MICU3: variants seen among roughly 807,000 people sequenced by gnomAD.
The protein encoded by MICU3 is mitochondrial calcium uptake 3.
A neutral mutation model predicts 66.5 loss-of-function variants in MICU3; 62 were observed. That is an observed-to-expected ratio of 0.93 (90% CI 0.76 to 1.15). The LOEUF (loss-of-function observed/expected upper bound fraction) is 1.15, where lower values mean the gene tolerates loss of function less well. Among genes scored for constraint, MICU3 ranks in the 50% most tolerant of loss-of-function variants. The probability of loss-of-function intolerance (pLI) is 0.00; values close to 1 mark genes in which losing one functional copy is unlikely to be tolerated. For missense variants in MICU3, 779 were observed against 664.4 expected, an observed-to-expected ratio of 1.17 and a Z score of -1.90; for synonymous variants, 308 against 240.7, an observed-to-expected ratio of 1.28 and a Z score of -2.59.
intron 11 of MICU3, among the ~76,000 whole-genome samples, chr8:17,113,688 G>A (rs1802412638): frequency 6.6e-6 from 1 of 152,128 alleles, no homozygotes; most frequent in African/African-American, 2.4e-5. Context: ...AGGAATACAT[G>A]TGCAGGGGAA....
At chr8:17,065,233 T>C (rs1299313625) in intron 2 of MICU3, among the ~76,000 whole-genome samples, 1 of 152,134 alleles carries the variant, frequency 6.6e-6, no homozygotes, top group Non-Finnish European at 1.5e-5. Flanking sequence ...TATAGCCATT[T>C]TTTCCTCCAG....
intron 11 of MICU3, 52 bp from the exon 12 acceptor site, chr8:17,114,041 T>C: frequency 9.4e-7 from 1 of 1,064,188 alleles, no homozygotes; most frequent in Non-Finnish European, 1.3e-6. Flanking sequence ...AGATCCTGAT[T>C]TTAATAAATT....
intron 1 of MICU3, among the ~76,000 whole-genome samples, chr8:17,058,863 C>T (rs1447020528): frequency 6.6e-6 from 1 of 152,194 alleles, no homozygotes; most frequent in Admixed American, 6.5e-5. Context: ...TGTTGATAAA[C>T]TCCAGAGAAA....
intron 5 of MICU3, among the ~76,000 whole-genome samples, chr8:17,084,746 C>G (rs1158848424): frequency 6.6e-6 from 1 of 152,034 alleles, no homozygotes; most frequent in Non-Finnish European, 1.5e-5. Flanking sequence ...CATATTCAGT[C>G]TTCTTTTGTT....
At chr8:17,098,698 CTG>C (rs1458217902) in intron 9 of MICU3, 145 bp downstream of exon 9, 1 of 591,490 alleles carries the variant, frequency 1.7e-6, no homozygotes, top group Non-Finnish European at 3.0e-6. Context: ...TATATATAAA[CTG>C]TGTATTTGAA....
chr8:17,074,324 C>T (rs1288550583), intron 3 of MICU3, among the ~76,000 whole-genome samples: 2 of 151,710 alleles, frequency 1.3e-5, no homozygotes, highest in African/African-American at 4.8e-5. Flanking sequence ...AGATATAACC[C>T]ATATAGACAA....
At chr8:17,081,441 T>C (rs1458743674) in intron 4 of MICU3, among the ~76,000 whole-genome samples, 2 of 152,138 alleles carry the variant, frequency 1.3e-5, no homozygotes, top group Non-Finnish European at 2.9e-5. Context: ...CTGCTATACG[T>C]ATGCATTATA....
intron 3 of MICU3, among the ~76,000 whole-genome samples, chr8:17,070,392 C>T (rs1819372140): frequency 6.6e-6 from 1 of 151,836 alleles, no homozygotes. Context: ...AAGTATAATT[C>T]TATTTGTATA....
chr8:17,085,137 A>G (rs1313536688), intron 5 of MICU3, 99 bp from the exon 6 acceptor site: 9 of 706,564 alleles, frequency 1.3e-5, no homozygotes, highest in Non-Finnish European at 2.2e-5. Context: ...ACTATCTTTA[A>G]CCAATACAGA....
intron 11 of MICU3, among the ~76,000 whole-genome samples, chr8:17,107,058 T>C (rs74803061): frequency 0.072 from 10,949 of 152,234 alleles, 591 homozygotes; most frequent in East Asian, 0.25. Context: ...CAGATATTTA[T>C]TGAGCATCTA....
At chr8:17,057,351 G>A (rs931172082) in intron 1 of MICU3, among the ~76,000 whole-genome samples, 8 of 152,114 alleles carry the variant, frequency 5.3e-5, no homozygotes, top group African/African-American at 1.7e-4. Flanking sequence ...CTCAGTTCTT[G>A]TTCCCAGAAC....
At chr8:17,030,287 A>G (rs1008685937) in intron 1 of MICU3, among the ~76,000 whole-genome samples, 6 of 152,212 alleles carry the variant, frequency 3.9e-5, no homozygotes, top group Admixed American at 2.6e-4. Flanking sequence ...TTTTCCTCAC[A>G]TATCTGTGGT....
chr8:17,118,712 TA>T lies in MICU3; in HGVS notation c.1534del (p.Thr512GlnfsTer12). 6.2e-7 allele frequency: 1 copy of T among 1,609,098 alleles called. No individual in the cohort carries two copies. Among genetic ancestry groups the T allele is most frequent in the Non-Finnish European group, 8.5e-7 (1 of 1,175,844 alleles). On this transcript the variant is annotated frameshift_variant, in exon 14 of 15. Coordinates refer to ENST00000318063, the MANE Select transcript of MICU3 (RefSeq NM_181723.3). LOFTEE classifies it high-confidence loss of function. ...TTTGCTCTTCTGTTTTACAGGGTTA[TA>T]AAACAGTCCAGAAGTACCCCACTTT... The part of the protein sequence containing the change: ...DRLHRGFRGY[K>X]TVQKYPTFKS...
At chr8:17,076,288 G>C (rs1215863061) in intron 3 of MICU3, among the ~76,000 whole-genome samples, 1 of 152,088 alleles carries the variant, frequency 6.6e-6, no homozygotes, top group African/African-American at 2.4e-5. Flanking sequence ...ACCCACCTCA[G>C]CCTCCCAAAG....
At chr8:17,069,228 A>G (rs1243793375) in intron 2 of MICU3, among the ~76,000 whole-genome samples, 1 of 152,042 alleles carries the variant, frequency 6.6e-6, no homozygotes, top group Non-Finnish European at 1.5e-5. Flanking sequence ...TCTTCATCCT[A>G]GAGAGACCTG....
At chr8:17,111,848 T>C (rs374237294) in intron 11 of MICU3, among the ~76,000 whole-genome samples, 2 of 152,206 alleles carry the variant, frequency 1.3e-5, no homozygotes, top group African/African-American at 4.8e-5. Flanking sequence ...TGCTTGAGAC[T>C]GGGTAATTTA....
chr8:17,065,829 T>G (rs955719290), intron 2 of MICU3, among the ~76,000 whole-genome samples: 3 of 152,130 alleles, frequency 2.0e-5, no homozygotes, highest in African/African-American at 7.2e-5. Context: ...AATATTTGAT[T>G]GCAAAAGAGA....
At chr8:17,133,374 T>C in the MICU3 span, among the ~76,000 whole-genome samples, 1 of 152,228 alleles carries the variant, frequency 6.6e-6, no homozygotes, top group Non-Finnish European at 1.5e-5. Context: ...TCTATTTCTG[T>C]CTTTTGCCAC....
chr8:17,105,058 A>G (rs188029058), intron 10 of MICU3, among the ~76,000 whole-genome samples: 2 of 150,694 alleles, frequency 1.3e-5, no homozygotes, highest in African/African-American at 4.8e-5. Context: ...TATCTCTTGT[A>G]TATTCAGAAG....
Sources: allele counts gnomAD v4.1 joint callset (sites outside exome capture counted in the v4.1 genomes callset), GRCh38; gene constraint gnomAD v4.1.1; transcripts MANE v1.5; gene names NCBI Gene and HGNC (gene_info 2026-07-23, HGNC 2026-07-21).